The following SIPA1L2 variants were observed in gnomAD, a reference collection of about 807,000 sequenced individuals.
SIPA1L2 encodes signal-induced proliferation-associated 1-like protein 2.
A neutral mutation model predicts 163.9 loss-of-function variants in SIPA1L2; 56 were observed. The observed-to-expected ratio is 0.34, with a 90% confidence interval of 0.28 to 0.43. The LOEUF is 0.43. SIPA1L2 is among the 20% of genes least tolerant of loss of function. The probability of loss-of-function intolerance (pLI) is 1.00; values close to 1 mark genes in which losing one functional copy is unlikely to be tolerated. For synonymous variants in SIPA1L2, 877 were observed against 865.7 expected, an observed-to-expected ratio of 1.01 and a Z score of -0.23; for missense variants, 1,974 against 2,193.5, an observed-to-expected ratio of 0.90 and a Z score of 2.00.
In SIPA1L2 at chr1:232,615,906, T is replaced by TA. The variant is rs1252183159; in HGVS notation, c.-319+13962dup. On this transcript the variant is annotated intron_variant, in intron 1 of 22. Coordinates refer to ENST00000674635, the MANE Select transcript of SIPA1L2 (RefSeq NM_020808.5). Reference sequence around the variant, plus strand: ...CCTGAGTCCCTAGAACTGTGTCTGGTAAAAAAAGAACATGTAATAAATAGC... The same window carrying TA: ...CCTGAGTCCCTAGAACTGTGTCTGGTAAAAAAAAGAACATGTAATAAATAGC... 4.6e-5 allele frequency among the ~76,000 whole-genome samples: 7 copies of TA among 152,090 alleles called. No homozygotes were observed. In the East Asian group the frequency reaches 9.6e-4, roughly 21 times the overall value.
At chr1:232,479,769 C>T (rs1204615334) in intron 6 of SIPA1L2, 39 bp from the exon 7 acceptor site, 1 of 1,558,502 alleles carries the variant, frequency 6.4e-7, no homozygotes, top group Non-Finnish European at 8.8e-7. Context: ...AGGTAAGCTG[C>T]TACAAAATTA....
At chr1:232,594,772 C>A (rs910967857) in intron 1 of SIPA1L2, among the ~76,000 whole-genome samples, 2 of 152,204 alleles carry the variant, frequency 1.3e-5, no homozygotes, top group Admixed American at 6.5e-5. Flanking sequence ...TAATCAGAAC[C>A]TCCCCTGAAA....
intron 2 of SIPA1L2, among the ~76,000 whole-genome samples, chr1:232,545,394 T>C (rs1024619351): frequency 6.6e-6 from 1 of 152,246 alleles, no homozygotes; most frequent in Non-Finnish European, 1.5e-5. Flanking sequence ...AGGCTCCGTG[T>C]GGGCGCCTAA....
chr1:232,413,436 G>C (rs1233736555), intron 19 of SIPA1L2, among the ~76,000 whole-genome samples: 1 of 152,140 alleles, frequency 6.6e-6, no homozygotes, highest in African/African-American at 2.4e-5. Flanking sequence ...CAGTCATTCT[G>C]TTCTGAAGGA....
At chr1:232,479,540 G>A in intron 7 of SIPA1L2, 87 bp downstream of exon 7, 1 of 1,031,158 alleles carries the variant, frequency 9.7e-7, no homozygotes, top group Non-Finnish European at 1.5e-6. Context: ...CTGATTCTTT[G>A]CAAGTTCTAC....
At chr1:232,619,506 C>G (rs886762464) in intron 1 of SIPA1L2, among the ~76,000 whole-genome samples, 1 of 152,222 alleles carries the variant, frequency 6.6e-6, no homozygotes, top group Non-Finnish European at 1.5e-5. Context: ...AAATCATGCC[C>G]TCTGATAGTT....
At chr1:232,518,861 A>G (rs1455348855) in intron 2 of SIPA1L2, among the ~76,000 whole-genome samples, 1 of 152,192 alleles carries the variant, frequency 6.6e-6, no homozygotes, top group East Asian at 1.9e-4. Context: ...AATAAATATT[A>G]TTAAATTAAC....
At position 232,492,362 on chromosome 1, in the gene SIPA1L2, G is replaced by A. The variant is rs1206266086; in HGVS notation, c.1617+1165C>T. Among the ~76,000 whole-genome samples the A allele has an allele frequency of 2.6e-5, 4 of 152,096 alleles. No homozygotes were observed. The East Asian group carries it at 7.7e-4, about 29-fold the overall frequency. The stretch of plus-strand genomic sequence containing the variant: ...ATTCTTTTCTTTTTTAAGAGATAGG[G>A]TCTTGCTATATTGCCCAGGCTGGAG... On this transcript the variant is annotated intron_variant, in intron 4 of 22. Transcript: ENST00000674635.
intron 3 of SIPA1L2, among the ~76,000 whole-genome samples, chr1:232,494,897 C>CA (rs887549238): frequency 2.6e-5 from 4 of 152,190 alleles, no homozygotes; most frequent in African/African-American, 7.2e-5. Context: ...GGTGTAGCCT[C>CA]AAAAAATCGA....
chr1:232,444,161 CT>C (rs1293752695), intron 11 of SIPA1L2, among the ~76,000 whole-genome samples: 1 of 152,182 alleles, frequency 6.6e-6, no homozygotes, highest in African/African-American at 2.4e-5. Context: ...CCTATTTTAT[CT>C]TTTTTTCAGA....
upstream of SIPA1L2, among the ~76,000 whole-genome samples, chr1:232,630,290 C>G (rs1490287118): frequency 6.6e-6 from 1 of 151,848 alleles, no homozygotes; most frequent in African/African-American, 2.4e-5. Context: ...CGGCTCCGGG[C>G]GCAGCCGGTG....
intron 2 of SIPA1L2, among the ~76,000 whole-genome samples, chr1:232,533,709 A>C (rs535980451): frequency 9.5e-4 from 144 of 152,324 alleles, no homozygotes; most frequent in African/African-American, 3.0e-3. Flanking sequence ...CCTCTGCTAG[A>C]CCCTTGATAC....
intron 3 of SIPA1L2, among the ~76,000 whole-genome samples, chr1:232,499,975 T>C (rs11580644): frequency 0.012 from 1,710 of 146,490 alleles, 35 homozygotes; most frequent in African/African-American, 0.039. Flanking sequence ...ACAGTATGGT[T>C]TACTGACTTT....
intron 18 of SIPA1L2, among the ~76,000 whole-genome samples, 195 bp downstream of exon 18, chr1:232,425,394 T>TG (rs1367545708): frequency 6.6e-6 from 1 of 152,226 alleles, no homozygotes; most frequent in African/African-American, 2.4e-5. Flanking sequence ...AAATAGGTAG[T>TG]GTTACCTAAC....
chr1:232,491,123 T>A, intron 4 of SIPA1L2, 61 bp from the exon 5 acceptor site: 2 of 1,446,308 alleles, frequency 1.4e-6, no homozygotes, highest in Non-Finnish European at 1.9e-6. Context: ...ACTCACAGCC[T>A]AACTGTTTGG....
chr1:232,562,600 C>CT (rs1461124652), intron 2 of SIPA1L2, among the ~76,000 whole-genome samples: 2 of 152,172 alleles, frequency 1.3e-5, no homozygotes, highest in Non-Finnish European at 2.9e-5. Flanking sequence ...TAACCTAATA[C>CT]TTTTTCACCA....
At chr1:232,583,113 C>T (rs941751632) in intron 1 of SIPA1L2, among the ~76,000 whole-genome samples, 4 of 152,166 alleles carry the variant, frequency 2.6e-5, no homozygotes, top group Admixed American at 6.5e-5. Flanking sequence ...TCCAACTTGC[C>T]TGGGTAAAGG....
chr1:232,427,845 T>C (rs1438808420), intron 17 of SIPA1L2, among the ~76,000 whole-genome samples: 1 of 152,220 alleles, frequency 6.6e-6, no homozygotes, highest in Non-Finnish European at 1.5e-5. Flanking sequence ...CAACCCTGTT[T>C]AAAATGCCCA....
At chr1:232,541,879 T>C (rs1441733201) in intron 2 of SIPA1L2, among the ~76,000 whole-genome samples, 1 of 139,460 alleles carries the variant, frequency 7.2e-6, no homozygotes, top group African/African-American at 2.6e-5. Flanking sequence ...AAAAAAGTAA[T>C]TCATGAAGGG....
Sources: allele counts gnomAD v4.1 joint callset (sites outside exome capture counted in the v4.1 genomes callset), GRCh38; gene constraint gnomAD v4.1.1; transcripts MANE v1.5; gene names NCBI Gene and HGNC (gene_info 2026-07-23, HGNC 2026-07-21).